Variants in ZNF71 observed in about 807,000 individuals in gnomAD.
The protein encoded by ZNF71 is endothelial zinc finger protein induced by tumor necrosis factor alpha.
ZNF71 carries 3 observed loss-of-function variants against 6.7 expected under a neutral mutation model. That is an observed-to-expected ratio of 0.45 (90% confidence interval 0.20 to 1.16). ZNF71 has a LOEUF of 1.16. Ranked by LOEUF, ZNF71 falls within the 50% of genes most tolerant of loss-of-function variation. The probability of loss-of-function intolerance (pLI) is 0.25; values close to 1 mark genes in which losing one functional copy is unlikely to be tolerated. For synonymous variants in ZNF71, 343 were observed against 311.1 expected (o/e 1.10, Z -1.08); for missense variants, 688 against 728.6 (o/e 0.94, Z 0.64).
intron 3 of ZNF71, among the ~76,000 whole-genome samples, chr19:56,620,508 T>G (rs1297742003): frequency 6.6e-6 from 1 of 152,078 alleles, no homozygotes; most frequent in Non-Finnish European, 1.5e-5. Flanking sequence ...CTTTATTCTT[T>G]TTCTTCTTTT....
chr19:56,595,368 C>G lies in ZNF71; in HGVS notation c.-113C>G, dbSNP rs1208439214. On this transcript the variant is annotated 5_prime_UTR_variant, in exon 1 of 4. Transcript: ENST00000599599. ...GGTCGCGCCCACCCTCTACCTGTGC[C>G]GGGGGCCGGAACCTGGCCCCGGGGA... The G allele has an allele frequency of 6.5e-6, 1 of 153,062 alleles. No individual in the cohort carries two copies. The highest frequency in any genetic ancestry group is 1.5e-5 in the Non-Finnish European group (1 of 68,716). The allele number at this position is 153,062 out of a possible 1,614,324, so 9.5% of individuals were successfully genotyped here.
Position 56,600,185 on chromosome 19 carries a change from A to ATTTTTTTTT in ZNF71, c.-52-1307_-52-1299dup, listed in dbSNP as rs1169322389. Among the ~76,000 whole-genome samples, 91 of 24,898 alleles carry ATTTTTTTTT rather than the reference A, an allele frequency of 3.7e-3. 24 individuals are homozygous for ATTTTTTTTT. The African/African-American group carries it at 0.042, about 12-fold the overall frequency. The allele number at this position is 24,898 out of a possible 152,430, so 16.3% of individuals were successfully genotyped here. ...ATCTTGGCTCACTGCAACCCTCTGT[A>ATTTTTTTTT]TTTTTTTTTTTTTTTTTTTTTTTGA... On this transcript the variant is annotated intron_variant, in intron 1 of 3. Coordinates refer to ENST00000599599, the MANE Select transcript of ZNF71 (RefSeq NM_001370215.1).
At chr19:56,608,295 C>T (rs557344070) in intron 2 of ZNF71, among the ~76,000 whole-genome samples, 32 of 152,162 alleles carry the variant, frequency 2.1e-4, no homozygotes, top group African/African-American at 7.5e-4. Flanking sequence ...CCCTCCCCTC[C>T]GCCCCTGGCA....
At chr19:56,620,580 G>C (rs2044836087) in intron 3 of ZNF71, among the ~76,000 whole-genome samples, 1 of 151,580 alleles carries the variant, frequency 6.6e-6, no homozygotes, top group Non-Finnish European at 1.5e-5. Flanking sequence ...CACCCATGCT[G>C]GAGTGCAGTG....
Position 56,598,572 on chromosome 19 carries a change from T to G in ZNF71, c.-52-2935T>G, listed in dbSNP as rs974096343. Among the ~76,000 whole-genome samples, 16 of 152,304 alleles carry G rather than the reference T, an allele frequency of 1.1e-4. No individual in the cohort carries two copies. The highest frequency in any genetic ancestry group is 4.4e-5 in the Non-Finnish European group (3 of 68,024). On this transcript the variant is annotated intron_variant, in intron 1 of 3. Transcript: ENST00000599599. This position sits in a 1 kb window ranked among gnomAD's most constrained non-coding sequence, Gnocchi z 4.2. ...GATCCTTTTGTTCTACAACAGGGCT[T>G]CTCAACCTCCACACTACTGACCTTT...
chr19:56,601,969 G>T (rs1316077652), intron 2 of ZNF71, among the ~76,000 whole-genome samples: 1 of 152,164 alleles, frequency 6.6e-6, no homozygotes, highest in Non-Finnish European at 1.5e-5. Flanking sequence ...TGTGATGAAA[G>T]TACAAAAGCT....
intron 2 of ZNF71, among the ~76,000 whole-genome samples, chr19:56,608,206 G>A (rs2044724107): frequency 1.3e-5 from 2 of 151,954 alleles, no homozygotes; most frequent in Non-Finnish European, 2.9e-5. Flanking sequence ...AATGTGCAGC[G>A]CCACCACCAT....
At chr19:56,610,433 T>A (rs1476862065) in intron 2 of ZNF71, 1 of 151,606 alleles carries the variant, frequency 6.6e-6, no homozygotes, top group Non-Finnish European at 1.5e-5. Flanking sequence ...ATTCTGCACC[T>A]GCAGCTAAGG....
intron 2 of ZNF71, among the ~76,000 whole-genome samples, chr19:56,602,185 C>A (rs1164941807): frequency 6.6e-6 from 1 of 152,110 alleles, no homozygotes; most frequent in Non-Finnish European, 1.5e-5. Flanking sequence ...GTGGCCATAC[C>A]CTGGTTTACT....
At position 56,607,241 on chromosome 19, in the gene ZNF71, G is replaced by A. The variant is rs140079691; in HGVS notation, c.33+5650G>A. Among the ~76,000 whole-genome samples, 97 of 152,274 alleles carry A rather than the reference G, an allele frequency of 6.4e-4. 1 individual carries two copies. The highest frequency in any genetic ancestry group is 2.2e-3 in the African/African-American group (92 of 41,556). On this transcript the variant is annotated intron_variant, in intron 2 of 3. Transcript: ENST00000599599. Reference sequence around the variant, plus strand: ...TTTTCCTTGCTTGGGCAGCAGGACTGGGCATTTCTGATTCACAGCCCTGAG... The same window carrying A: ...TTTTCCTTGCTTGGGCAGCAGGACTAGGCATTTCTGATTCACAGCCCTGAG...
chr19:56,599,162 A>G (rs879396441), intron 1 of ZNF71, among the ~76,000 whole-genome samples: 2 of 152,202 alleles, frequency 1.3e-5, no homozygotes, highest in Non-Finnish European at 2.9e-5. Context: ...TGTTTATAGC[A>G]GAAGAAAAAC....
Position 56,620,899 on chromosome 19 carries a change from GAGGCCCTGCAAGT to G in ZNF71, c.161-368_161-356del, listed in dbSNP as rs72188891. Reference sequence around the variant, plus strand: ...TTGTGGATCTGCAGGATGAAGTGAGGAGGCCCTGCAAGTCAGTAGCCGGCTGCAGTCATTCCTA... The same window carrying G: ...TTGTGGATCTGCAGGATGAAGTGAGGCAGTAGCCGGCTGCAGTCATTCCTA... On this transcript the variant is annotated intron_variant, in intron 3 of 3. Transcript: ENST00000599599. Among the ~76,000 whole-genome samples, 1,225 of 152,212 alleles carry G rather than the reference GAGGCCCTGCAAGT, an allele frequency of 8.0e-3. 15 individuals are homozygous for G. The highest frequency in any genetic ancestry group is 0.027 in the African/African-American group (1,132 of 41,522).
At chr19:56,601,633 AT>A in intron 2 of ZNF71, 42 bp downstream of exon 2, 1 of 984,962 alleles carries the variant, frequency 1.0e-6, no homozygotes, top group Non-Finnish European at 1.2e-6. Flanking sequence ...CAAAGGCTGG[AT>A]CCTGCCTTGG....
At chr19:56,596,828 G>A (rs898015473) in intron 1 of ZNF71, among the ~76,000 whole-genome samples, 10 of 151,802 alleles carry the variant, frequency 6.6e-5, no homozygotes, top group African/African-American at 1.9e-4. Context: ...TTCCCTTTCC[G>A]CTCAGCTGAC....
At chr19:56,606,382 T>C (rs989660451) in intron 2 of ZNF71, among the ~76,000 whole-genome samples, 2 of 152,092 alleles carry the variant, frequency 1.3e-5, no homozygotes, top group Non-Finnish European at 2.9e-5. Flanking sequence ...GTTTAGGGGG[T>C]AAAAATTCAA....
intron 2 of ZNF71, among the ~76,000 whole-genome samples, chr19:56,608,445 A>G (rs57248127): frequency 0.055 from 8,338 of 151,534 alleles, 741 homozygotes; most frequent in African/African-American, 0.19. Context: ...CATGTGTCAG[A>G]ATTTTTTTTT....
intron 2 of ZNF71, among the ~76,000 whole-genome samples, chr19:56,606,256 C>G (rs11881639): frequency 0.082 from 12,466 of 152,122 alleles, 1,634 homozygotes; most frequent in African/African-American, 0.28. Flanking sequence ...AATAAATATT[C>G]GTCAAATGAA....
At chr19:56,617,707 G>A (rs993584190) in intron 3 of ZNF71, among the ~76,000 whole-genome samples, 4 of 152,164 alleles carry the variant, frequency 2.6e-5, no homozygotes, top group Non-Finnish European at 5.9e-5. Flanking sequence ...TAATCTGGGT[G>A]GTGTGGAACT....
chr19:56,609,498 T>C (rs1008018354), intron 2 of ZNF71, among the ~76,000 whole-genome samples: 11 of 152,134 alleles, frequency 7.2e-5, no homozygotes, highest in African/African-American at 2.7e-4. Context: ...ACCTTCATTC[T>C]ATTTTGCCTA....
Sources: allele counts gnomAD v4.1 joint callset (sites outside exome capture counted in the v4.1 genomes callset), GRCh38; gene constraint gnomAD v4.1.1; non-coding constraint Gnocchi (gnomAD v3.1); transcripts MANE v1.5; gene names NCBI Gene and HGNC (gene_info 2026-07-23, HGNC 2026-07-21).